SYNE2: variants seen among roughly 807,000 people sequenced by gnomAD.
The protein encoded by SYNE2 is spectrin repeat containing nuclear envelope protein 2.
SYNE2 carries 431 observed loss-of-function variants against 856.3 expected under a neutral mutation model. The observed-to-expected ratio is 0.50, with a 90% CI of 0.47 to 0.55. SYNE2 has a LOEUF of 0.55. SYNE2 is among the 20% of genes least tolerant of loss of function. SYNE2 has a pLI of 0.00. For synonymous variants in SYNE2, 2,923 were observed against 2,872.3 expected, an observed-to-expected ratio of 1.02 and a Z score of -0.56; for missense variants, 8,129 against 8,023.2, an observed-to-expected ratio of 1.01 and a Z score of -0.50.
chr14:64,184,329 GGTGTGTGTGTGTGTGT>G (rs767980383), intron 96 of SYNE2, among the ~76,000 whole-genome samples: 3 of 144,162 alleles, frequency 2.1e-5, no homozygotes, highest in African/African-American at 5.2e-5. Context: ...TATGCATAGG[GGTGTGTGTGTGTGTGT>G]GTGTGTGTGT....
At chr14:64,077,048 T>C (rs2097467440) in intron 54 of SYNE2, among the ~76,000 whole-genome samples, 1 of 152,164 alleles carries the variant, frequency 6.6e-6, no homozygotes, top group Admixed American at 6.6e-5. Context: ...TGAATACTTA[T>C]GAAAATCCCT....
chr14:64,108,665 C>T (rs551350066), intron 65 of SYNE2, among the ~76,000 whole-genome samples: 5 of 151,856 alleles, frequency 3.3e-5, no homozygotes, highest in African/African-American at 1.2e-4. Flanking sequence ...TTTTTTTCTC[C>T]CAATCTTTTG....
At chr14:64,056,497 T>C (rs543524982) in intron 49 of SYNE2, among the ~76,000 whole-genome samples, 1 of 152,000 alleles carries the variant, frequency 6.6e-6, no homozygotes, top group African/African-American at 2.4e-5. Flanking sequence ...CTATTTAATA[T>C]TGGGTACACA....
chr14:63,921,332 G>A (rs1320238955), intron 2 of SYNE2, among the ~76,000 whole-genome samples: 1 of 152,158 alleles, frequency 6.6e-6, no homozygotes, highest in Non-Finnish European at 1.5e-5. Context: ...TAGGAGAGAT[G>A]ACAACTGGGC....
chr14:64,149,194 A>G (rs1469074119), intron 84 of SYNE2, among the ~76,000 whole-genome samples: 1 of 151,652 alleles, frequency 6.6e-6, no homozygotes, highest in East Asian at 1.9e-4. Context: ...AATCCTAGCT[A>G]CTCGGGAGCT....
At chr14:64,087,894 A>G in intron 58 of SYNE2, 38 bp downstream of exon 58, 1 of 1,607,606 alleles carries the variant, frequency 6.2e-7, no homozygotes, top group Non-Finnish European at 8.5e-7. Context: ...TCAGGATTAA[A>G]TTAGAGGCTG....
chr14:63,948,724 A>G (rs201633418), intron 6 of SYNE2, among the ~76,000 whole-genome samples: 17 of 84,804 alleles, frequency 2.0e-4, no homozygotes, highest in East Asian at 6.0e-4. Context: ...ATATGTGTGT[A>G]TATATATGTG....
At position 64,002,185 on chromosome 14, in the gene SYNE2, G is replaced by A. The variant is rs898971295; in HGVS notation, c.3786+104G>A. On this transcript the variant is annotated intron_variant, in intron 29 of 115. Coordinates refer to ENST00000555002, the MANE Select transcript of SYNE2 (RefSeq NM_182914.3). ...TTATTCATGATAGCATAGATTAAGA[G>A]TATAAGCCATGACAGTTTTTTTTTC... is the stretch of plus-strand genomic sequence containing the variant. 6 of 1,005,600 alleles carry A rather than the reference G, an allele frequency of 6.0e-6. No homozygotes were observed. In the African/African-American group the frequency reaches 9.7e-5, roughly 16 times the overall value. The allele number at this position is 1,005,600 out of a possible 1,614,324, so 62.3% of individuals were successfully genotyped here.
intron 21 of SYNE2, among the ~76,000 whole-genome samples, chr14:63,992,487 T>G (rs1239769952): frequency 6.6e-6 from 1 of 152,104 alleles, no homozygotes. Context: ...ACTCTGTTGG[T>G]CAAGGCTGGT....
chr14:63,974,902 A>G (rs1242071900), intron 11 of SYNE2, among the ~76,000 whole-genome samples: 526 of 39,854 alleles, frequency 0.013, 9 homozygotes, highest in African/African-American at 0.049. Flanking sequence ...GTATATATAT[A>G]TATATATATA....
At chr14:63,980,825 G>A in intron 15 of SYNE2, 93 bp downstream of exon 15, 1 of 1,134,626 alleles carries the variant, frequency 8.8e-7, no homozygotes, top group South Asian at 1.4e-5. Flanking sequence ...TTAGAAATTA[G>A]TTTTATGTGC....
At chr14:64,137,677 T>C in intron 78 of SYNE2, 110 bp from the exon 79 acceptor site, 1 of 1,111,176 alleles carries the variant, frequency 9.0e-7, no homozygotes, top group Non-Finnish European at 1.3e-6. Context: ...TGGGAAAGTG[T>C]TACTGTTTTA....
intron 18 of SYNE2, among the ~76,000 whole-genome samples, chr14:63,984,465 C>T (rs1015609794): frequency 2.6e-5 from 4 of 152,126 alleles, no homozygotes; most frequent in African/African-American, 9.7e-5. Flanking sequence ...CTTGAGATTA[C>T]TTCTGACTAG....
chr14:63,886,404 G>A (rs746274197), intron 1 of SYNE2, among the ~76,000 whole-genome samples: 2 of 152,086 alleles, frequency 1.3e-5, no homozygotes, highest in African/African-American at 4.8e-5. Context: ...TGCATGCTTT[G>A]TTGTCCACTT....
intron 96 of SYNE2, among the ~76,000 whole-genome samples, chr14:64,185,172 C>T (rs1490935232): frequency 6.6e-6 from 1 of 152,182 alleles, no homozygotes; most frequent in African/African-American, 2.4e-5. Flanking sequence ...GCATGAGGAT[C>T]ACTTGAGCCC....
rs1351046607 is a variant in SYNE2 at position 63,990,402 on chromosome 14, T to C, written c.2314-9T>C. 4 of 1,611,806 alleles carry C rather than the reference T, an allele frequency of 2.5e-6. No homozygotes were observed. In the East Asian group the frequency reaches 6.7e-5, roughly 27 times the overall value. ...TTTATTGTGATCTCACTTCAATTTG[T>C]TTTAATAGCATCTTATTGCCAAAGG... On this transcript the variant is annotated splice_polypyrimidine_tract_variant and intron_variant, in intron 19 of 115. Coordinates refer to ENST00000555002, the MANE Select transcript of SYNE2 (RefSeq NM_182914.3).
intron 18 of SYNE2, among the ~76,000 whole-genome samples, chr14:63,985,198 C>T (rs943876770): frequency 1.3e-5 from 2 of 151,718 alleles, no homozygotes; most frequent in African/African-American, 2.4e-5. Flanking sequence ...GGAGTGGTGG[C>T]GGGTGCTTGT....
chr14:63,860,047 G>C (rs1446869931), intron 1 of SYNE2, among the ~76,000 whole-genome samples: 1 of 148,256 alleles, frequency 6.7e-6, no homozygotes, highest in Admixed American at 6.9e-5. Context: ...CTGGAGTGCA[G>C]TGGCACCATC....
intron 1 of SYNE2, among the ~76,000 whole-genome samples, chr14:63,772,118 C>G (rs1209016694): frequency 6.6e-6 from 1 of 151,734 alleles, no homozygotes. Flanking sequence ...TTTGGGAGGC[C>G]AAGATGCATG....
Sources: allele counts gnomAD v4.1 joint callset (sites outside exome capture counted in the v4.1 genomes callset), GRCh38; gene constraint gnomAD v4.1.1; transcripts MANE v1.5; gene names NCBI Gene and HGNC (gene_info 2026-07-23, HGNC 2026-07-21).